ITSN2: variants seen among roughly 807,000 people sequenced by gnomAD.
ITSN2 encodes the protein intersectin-2.
Under a neutral mutation model 243.7 loss-of-function variants are expected in ITSN2, and 156 were observed. The observed-to-expected ratio is 0.64, with a 90% CI of 0.56 to 0.73. The LOEUF (loss-of-function observed/expected upper bound fraction) is 0.73, where lower values mean the gene tolerates loss of function less well. Ranked by LOEUF, ITSN2 falls within the 30% of genes least tolerant of loss-of-function variation. The pLI is 0.00. For synonymous variants in ITSN2, 703 were observed against 699.9 expected (o/e 1.00, Z -0.07); for missense variants, 1,801 against 1,996.1 (o/e 0.90, Z 1.86).
At chr2:24,327,768 A>G (rs1685316279) in intron 2 of ITSN2, among the ~76,000 whole-genome samples, 1 of 152,168 alleles carries the variant, frequency 6.6e-6, no homozygotes, top group African/African-American at 2.4e-5. Flanking sequence ...GTCACCTTAT[A>G]GCACTCTGCT....
At position 24,209,904 on chromosome 2, in the gene ITSN2, A is replaced by G; in HGVS notation, c.4387T>C (p.Tyr1463His). The G allele has an allele frequency of 6.2e-7, 1 of 1,614,172 alleles. No homozygotes were observed. Among genetic ancestry groups the G allele is most frequent in the Non-Finnish European group, 8.5e-7 (1 of 1,179,994 alleles). The change falls in exon 35 of 40, where the codon TAC becomes CAC. Residue 1463 changes from tyrosine (Y) to histidine (H), a missense_variant. By Grantham distance (83) the Tyr-to-His change is moderately conservative. Transcript: ENST00000355123. ...FLFNDFLLLT[Y>H]MVKQFAVSSG... ...GAAACAGCAAACTGCTTGACCATGTAGGTAAGAAGCAGGAAGTCATTGAAG... is the reference window on the plus strand; with the variant it reads ...GAAACAGCAAACTGCTTGACCATGTGGGTAAGAAGCAGGAAGTCATTGAAG...
intron 12 of ITSN2, 53 bp downstream of exon 12, chr2:24,299,856 G>A (rs1681495369): frequency 2.8e-6 from 4 of 1,413,748 alleles, no homozygotes; most frequent in Non-Finnish European, 3.9e-6. Context: ...ATGAAATATA[G>A]TCACTTATTA....
chr2:24,267,344 C>G (rs9309253), intron 20 of ITSN2, among the ~76,000 whole-genome samples: 147,651 of 150,978 alleles, frequency 0.98, 72,196 homozygotes, highest in East Asian at 0.99. Flanking sequence ...TGTAACAAAC[C>G]TGCACGTTCT....
intron 36 of ITSN2, 83 bp from the exon 37 acceptor site, chr2:24,208,402 T>G: frequency 2.9e-6 from 3 of 1,020,738 alleles, no homozygotes; most frequent in Non-Finnish European, 4.5e-6. Flanking sequence ...CACATGTTCT[T>G]CAGTCTTTTG....
chr2:24,243,094 T>C (rs1457395871), intron 29 of ITSN2, among the ~76,000 whole-genome samples: 1 of 152,240 alleles, frequency 6.6e-6, no homozygotes, highest in East Asian at 1.9e-4. Context: ...ATCCTTCATG[T>C]ACCAGCTCAA....
intron 18 of ITSN2, among the ~76,000 whole-genome samples, chr2:24,272,507 C>T (rs1002808326): frequency 6.6e-6 from 1 of 150,450 alleles, no homozygotes; most frequent in African/African-American, 2.5e-5. Context: ...TCACAGGTCA[C>T]TGCAGCCTGG....
chr2:24,301,078 TA>T, intron 11 of ITSN2, 75 bp downstream of exon 11: 1 of 775,190 alleles, frequency 1.3e-6, no homozygotes, highest in Non-Finnish European at 2.1e-6. Context: ...ATAAAAATTC[TA>T]AATATTCCAT....
intron 15 of ITSN2, among the ~76,000 whole-genome samples, chr2:24,286,699 C>T (rs1679550139): frequency 1.3e-5 from 2 of 152,118 alleles, no homozygotes; most frequent in African/African-American, 2.4e-5. Flanking sequence ...GATATAAAGC[C>T]ATTGTACACT....
rs1162417881 is a variant in ITSN2 at position 24,353,510 on chromosome 2, T to TGCAGTGAGCTGAGATG, written c.-34+6778_-34+6793dup. The stretch of plus-strand genomic sequence containing the variant: ...TGGCTTGAGCCCAGGAGAAGGAGGT[T>TGCAGTGAGCTGAGATG]GCAGTGAGCTGAGATGGCAGTGAGC... On this transcript the variant is annotated intron_variant, in intron 1 of 39. Coordinates refer to ENST00000355123, the MANE Select transcript of ITSN2 (RefSeq NM_006277.3). 5.9e-5 allele frequency among the ~76,000 whole-genome samples: 9 copies of TGCAGTGAGCTGAGATG among 152,184 alleles called. No homozygotes were observed. The East Asian group carries it at 9.6e-4, about 16-fold the overall frequency.
chr2:24,289,200 G>A (rs1362616925), intron 15 of ITSN2, among the ~76,000 whole-genome samples: 1 of 152,032 alleles, frequency 6.6e-6, no homozygotes, highest in African/African-American at 2.4e-5. Flanking sequence ...ATATTGCTTT[G>A]GGTAGTACAG....
At chr2:24,270,365 T>C (rs1677194131) in intron 20 of ITSN2, among the ~76,000 whole-genome samples, 1 of 152,216 alleles carries the variant, frequency 6.6e-6, no homozygotes, top group Admixed American at 6.5e-5. Flanking sequence ...TAACAGTTGC[T>C]GTATGGCATA....
intron 1 of ITSN2, among the ~76,000 whole-genome samples, chr2:24,329,292 GCT>G (rs1558637710): frequency 1.3e-5 from 2 of 151,736 alleles, no homozygotes; most frequent in Non-Finnish European, 2.9e-5. Flanking sequence ...ACGGAGTCTC[GCT>G]CTGTCGCCCA....
chr2:24,293,706 G>T lies in ITSN2; in HGVS notation c.1705C>A (p.Gln569Lys). ...QLLNERIKNMQFSNTPDSGVS... is the reference protein window; with the variant it reads ...QLLNERIKNMKFSNTPDSGVS... ...GACTTACCAGGTGTGTTACTGAACT[G>T]CATGTTTTTAATTCTTTCATTTAAT... The change falls in exon 15 of 40, where the codon CAG (glutamine) becomes AAG (lysine). Residue 569 changes from glutamine to lysine, a missense_variant. By Grantham distance (53) the Gln-to-Lys change is moderately conservative. This residue lies in a region of ITSN2 where 787 missense variants were observed against 803.9 expected (regional missense o/e 0.98). Transcript: ENST00000355123. 1 of 1,211,390 alleles carries T rather than the reference G, an allele frequency of 8.3e-7. No homozygotes were observed. Among genetic ancestry groups the T allele is most frequent in the Non-Finnish European group, 1.2e-6 (1 of 853,304 alleles). 75.0% of individuals were successfully genotyped at this position (1,211,390 alleles called of 1,614,324 possible).
chr2:24,252,742 T>C (rs1674511296), intron 24 of ITSN2, among the ~76,000 whole-genome samples: 1 of 152,200 alleles, frequency 6.6e-6, no homozygotes, highest in African/African-American at 2.4e-5. Flanking sequence ...GTTTCTTTTA[T>C]TCCCAATTGT....
chr2:24,208,981 G>T, intron 36 of ITSN2, 119 bp downstream of exon 36: 1 of 1,115,188 alleles, frequency 9.0e-7, no homozygotes. Context: ...TGTGTTAAGA[G>T]AGGTTCAGGA....
rs952395315 is a variant in ITSN2, at chr2:24,228,314, T to C, written c.3578-7248A>G. Among the ~76,000 whole-genome samples the C allele has an allele frequency of 4.6e-5, 7 of 152,216 alleles. No homozygotes were observed. The East Asian group carries it at 1.2e-3, about 25-fold the overall frequency. On this transcript the variant is annotated intron_variant, in intron 29 of 39. Coordinates refer to ENST00000355123, the MANE Select transcript of ITSN2 (RefSeq NM_006277.3). The stretch of plus-strand genomic sequence containing the variant: ...GACAAAGTCTGAGCGCATTTACCAC[T>C]AATAGACATGACTGGAAAAACTATT...
intron 17 of ITSN2, among the ~76,000 whole-genome samples, chr2:24,276,842 G>C (rs1488586213): frequency 6.6e-6 from 1 of 152,164 alleles, no homozygotes; most frequent in Non-Finnish European, 1.5e-5. Context: ...GTTGAAGTGG[G>C]GAGAAAGAAA....
chr2:24,337,262 CGT>C (rs1378810478), intron 1 of ITSN2, among the ~76,000 whole-genome samples: 13 of 87,724 alleles, frequency 1.5e-4, no homozygotes, highest in African/African-American at 6.2e-4. Flanking sequence ...TTCCTGCAGG[CGT>C]GTGTGTCTAT....
chr2:24,314,904 G>A (rs568263167), intron 3 of ITSN2, among the ~76,000 whole-genome samples: 1 of 152,258 alleles, frequency 6.6e-6, no homozygotes, highest in African/African-American at 2.4e-5. Context: ...AGAAATTCTT[G>A]ACTATCATTT....
Sources: allele counts gnomAD v4.1 joint callset (sites outside exome capture counted in the v4.1 genomes callset), GRCh38; gene constraint gnomAD v4.1.1; regional missense constraint gnomAD v4.1.1; transcripts MANE v1.5; gene names NCBI Gene and HGNC (gene_info 2026-07-23, HGNC 2026-07-21).